Variants in RUNX1 observed in about 807,000 individuals in gnomAD.
RUNX1 encodes runt-related transcription factor 1.
Under a neutral mutation model 42.8 loss-of-function variants are expected in RUNX1, and 19 were observed. That is an observed-to-expected ratio of 0.44 (90% confidence interval 0.31 to 0.65). The LOEUF is 0.65. RUNX1 is among the 30% of genes least tolerant of loss of function. The pLI is 0.07. For synonymous variants in RUNX1, 271 were observed against 289.4 expected, an observed-to-expected ratio of 0.94 and a Z score of 0.64; for missense variants, 528 against 672.0, an observed-to-expected ratio of 0.79 and a Z score of 2.37.
At chr21:34,924,435 T>C (rs948035187) in intron 2 of RUNX1, among the ~76,000 whole-genome samples, 1 of 152,160 alleles carries the variant, frequency 6.6e-6, no homozygotes, top group African/African-American at 2.4e-5. Flanking sequence ...GAGCTAGTGA[T>C]ATCAGGGTAG....
chr21:34,962,868 A>T (rs1037287368), intron 2 of RUNX1, among the ~76,000 whole-genome samples: 1 of 152,220 alleles, frequency 6.6e-6, no homozygotes, highest in South Asian at 2.1e-4. Flanking sequence ...GAGTTTGGCT[A>T]TGGGAATAAA....
rs970246170 is a variant in RUNX1 at position 34,790,351 on chromosome 21, C to T, written c.*1784G>A. On this transcript the variant is annotated 3_prime_UTR_variant, in exon 9 of 9. Coordinates refer to ENST00000675419, the MANE Select transcript of RUNX1 (RefSeq NM_001754.5). ...TATAAAATAAAAATCAAACACTGTT[C>T]TGAAGTCCTGCTTTCAAATACTCTT... 5.1e-5 allele frequency: 12 copies of T among 233,552 alleles called. No individual in the cohort carries two copies. The highest frequency in any genetic ancestry group is 8.5e-5 in the Non-Finnish European group (10 of 118,034). 14.5% of individuals were successfully genotyped at this position (233,552 alleles called of 1,614,324 possible). A position where few individuals can be genotyped will look rare whatever the true frequency, so the allele number is the denominator to read the frequency against.
intron 3 of RUNX1, among the ~76,000 whole-genome samples, chr21:34,891,025 T>G (rs1002588526): frequency 2.0e-5 from 3 of 151,446 alleles, no homozygotes; most frequent in Middle Eastern, 3.2e-3. Flanking sequence ...CCAGGGGAAA[T>G]AGCAGACTCG....
intron 2 of RUNX1, among the ~76,000 whole-genome samples, chr21:34,895,304 C>A (rs117466736): frequency 0.014 from 2,116 of 152,322 alleles, 22 homozygotes; most frequent in Non-Finnish European, 0.023. Context: ...ATTTGATTCA[C>A]CTGCCTTCAG....
chr21:34,888,578 C>T, intron 3 of RUNX1: 1 of 1,061,366 alleles, frequency 9.4e-7, no homozygotes, highest in African/African-American at 1.6e-5. Context: ...TTCCTTCTGG[C>T]GTCCCTAGGA....
chr21:34,991,064 G>A (rs780218229), intron 2 of RUNX1, among the ~76,000 whole-genome samples: 10 of 152,188 alleles, frequency 6.6e-5, no homozygotes, highest in Non-Finnish European at 1.3e-4. Flanking sequence ...CAACCAGGGG[G>A]TTAGAGAATC....
At position 35,048,934 on chromosome 21, in the gene RUNX1, CG is replaced by C. The variant is rs1294592786; in HGVS notation, c.-36del. 2 of 1,596,786 alleles carry C rather than the reference CG, an allele frequency of 1.3e-6. No individual in the cohort carries two copies. The highest frequency in any genetic ancestry group is 1.3e-5 in the African/African-American group (1 of 74,514). The stretch of plus-strand genomic sequence containing the variant: ...CTGAAAATGCACCCTCTTCTGAAGG[CG>C]GGGGACTCAATGATTTCTTTTACCT... On this transcript the variant is annotated 5_prime_UTR_variant, in exon 2 of 9. Coordinates refer to ENST00000675419, the MANE Select transcript of RUNX1 (RefSeq NM_001754.5).
In RUNX1 at chr21:35,046,700, T is replaced by C. The variant is rs143607495; in HGVS notation, c.58+2142A>G. On this transcript the variant is annotated intron_variant, in intron 2 of 8. Coordinates refer to ENST00000675419, the MANE Select transcript of RUNX1 (RefSeq NM_001754.5). ...TTAACCTGGACAATTTAAACCTTTA[T>C]GTTGATGGATCACTTGGATGAAATT... 2.5e-3 allele frequency among the ~76,000 whole-genome samples: 376 copies of C among 152,340 alleles called. 1 individual carries two copies. The highest frequency in any genetic ancestry group is 0.024 in the Middle Eastern group (7 of 294).
intron 6 of RUNX1, among the ~76,000 whole-genome samples, chr21:34,858,146 G>A (rs1292838452): frequency 6.6e-6 from 1 of 152,216 alleles, no homozygotes; most frequent in African/African-American, 2.4e-5. Flanking sequence ...CAAGGACTTT[G>A]GGAAAGTTGA....
intron 5 of RUNX1, among the ~76,000 whole-genome samples, chr21:34,865,508 GTCCATCCAAATGCC>G (rs67086536): frequency 0.21 from 31,627 of 152,148 alleles, 3,719 homozygotes; most frequent in Non-Finnish European, 0.27. Context: ...ACGCCAGTGT[GTCCATCCAAATGCC>G]AGGGCAAAAT....
intron 2 of RUNX1, among the ~76,000 whole-genome samples, chr21:35,018,394 C>T (rs1416826778): frequency 6.6e-6 from 1 of 152,178 alleles, no homozygotes; most frequent in Non-Finnish European, 1.5e-5. Flanking sequence ...ATCCTTCCCT[C>T]ATGGCTGTCA....
intron 7 of RUNX1, among the ~76,000 whole-genome samples, chr21:34,807,927 A>C (rs1037203486): frequency 7.2e-5 from 11 of 152,224 alleles, no homozygotes; most frequent in Non-Finnish European, 1.5e-4. Context: ...CATTTCCCTG[A>C]AAGTTCCACT....
intron 2 of RUNX1, among the ~76,000 whole-genome samples, chr21:35,022,701 C>T (rs1032623483): frequency 6.6e-6 from 1 of 151,998 alleles, no homozygotes; most frequent in African/African-American, 2.4e-5. Flanking sequence ...TCGAGACCAG[C>T]CCAGCCAACA....
At chr21:34,940,437 C>A (rs367549560) in intron 2 of RUNX1, among the ~76,000 whole-genome samples, 1 of 152,126 alleles carries the variant, frequency 6.6e-6, no homozygotes, top group Admixed American at 6.5e-5. Flanking sequence ...ATAAATGGCA[C>A]CCAGCAGGAA....
At chr21:34,814,573 G>GC (rs1484277323) in intron 7 of RUNX1, among the ~76,000 whole-genome samples, 1 of 152,172 alleles carries the variant, frequency 6.6e-6, no homozygotes, top group African/African-American at 2.4e-5. Flanking sequence ...CTCCAGTCTC[G>GC]CAAGCTTTGG....
At chr21:34,886,757 C>A in intron 4 of RUNX1, 86 bp downstream of exon 4, 1 of 1,598,544 alleles carries the variant, frequency 6.3e-7, no homozygotes, top group Non-Finnish European at 8.5e-7. Context: ...GAATCCGGCC[C>A]CGCCCGCCTG....
At chr21:34,872,711 A>G (rs2057757668) in intron 5 of RUNX1, among the ~76,000 whole-genome samples, 2 of 152,166 alleles carry the variant, frequency 1.3e-5, no homozygotes, top group Non-Finnish European at 2.9e-5. Flanking sequence ...GAGTTTCTCA[A>G]TCTCAGCACA....
chr21:34,886,465 G>A (rs997534358), intron 4 of RUNX1, among the ~76,000 whole-genome samples: 1 of 152,232 alleles, frequency 6.6e-6, no homozygotes, highest in African/African-American at 2.4e-5. Flanking sequence ...TGGTTTGGGT[G>A]TTAATCCAGC....
At chr21:34,945,470 C>G (rs1049225382) in intron 2 of RUNX1, among the ~76,000 whole-genome samples, 4 of 152,204 alleles carry the variant, frequency 2.6e-5, no homozygotes, top group African/African-American at 7.2e-5. Flanking sequence ...TTTTCCACCT[C>G]CAAATTCTCA....
Sources: allele counts gnomAD v4.1 joint callset (sites outside exome capture counted in the v4.1 genomes callset), GRCh38; gene constraint gnomAD v4.1.1; transcripts MANE v1.5; gene names NCBI Gene and HGNC (gene_info 2026-07-23, HGNC 2026-07-21).